Variants in EXTL3 observed in about 807,000 individuals in gnomAD.
EXTL3 encodes the protein exostosin like glycosyltransferase 3, also known as exostosin-like 3.
EXTL3 carries 27 observed loss-of-function variants against 69.3 expected under a neutral mutation model. The ratio of observed to expected loss-of-function variants is 0.39; its 90% CI spans 0.29 to 0.54. The LOEUF is 0.54. EXTL3 is among the 20% of genes least tolerant of loss of function. The probability of loss-of-function intolerance (pLI) is 0.69; values close to 1 mark genes in which losing one functional copy is unlikely to be tolerated. For synonymous variants in EXTL3, 511 were observed against 499.4 expected (o/e 1.02, Z -0.31); for missense variants, 1,003 against 1,231.8 (o/e 0.81, Z 2.78).
At chr8:28,636,389 A>T (rs912996315) in intron 1 of EXTL3, among the ~76,000 whole-genome samples, 1 of 151,852 alleles carries the variant, frequency 6.6e-6, no homozygotes, top group Non-Finnish European at 1.5e-5. Flanking sequence ...TCAAGTACAG[A>T]TATCTCACAT....
chr8:28,620,052 T>C (rs148058673), upstream of EXTL3, among the ~76,000 whole-genome samples: 356 of 150,738 alleles, frequency 2.4e-3, 2 homozygotes, highest in African/African-American at 8.3e-3. Context: ...TTTATATCTG[T>C]TTAGTAGAGA....
At chr8:28,738,089 C>T (rs1474484574) in intron 5 of EXTL3, among the ~76,000 whole-genome samples, 1 of 152,226 alleles carries the variant, frequency 6.6e-6, no homozygotes, top group Non-Finnish European at 1.5e-5. Flanking sequence ...CTGTGTGGCT[C>T]TGCCAGTTCT....
intron 1 of EXTL3, among the ~76,000 whole-genome samples, chr8:28,677,176 A>G (rs1807400797): frequency 6.6e-6 from 1 of 152,208 alleles, no homozygotes; most frequent in African/African-American, 2.4e-5. Flanking sequence ...TAGAGGAAAA[A>G]GAAAATGAAA....
chr8:28,610,338 T>C (rs1806255534), intron 2 of EXTL3, among the ~76,000 whole-genome samples: 1 of 152,126 alleles, frequency 6.6e-6, no homozygotes. Context: ...GGCAATTTCC[T>C]CATCTCTTTG....
chr8:28,721,007 A>C (rs953956275), intron 3 of EXTL3, among the ~76,000 whole-genome samples: 2 of 152,112 alleles, frequency 1.3e-5, no homozygotes, highest in African/African-American at 4.8e-5. Context: ...GTTTCTGAGG[A>C]TATATCAGTG....
intron 3 of EXTL3, among the ~76,000 whole-genome samples, chr8:28,726,885 T>TC (rs1801425364): frequency 7.8e-6 from 1 of 127,518 alleles, no homozygotes; most frequent in Non-Finnish European, 1.7e-5. Flanking sequence ...TTTTCTTTTT[T>TC]TTTTTTTTTT....
chr8:28,723,637 A>C (rs532526845), intron 3 of EXTL3, among the ~76,000 whole-genome samples: 1,519 of 133,938 alleles, frequency 0.011, 33 homozygotes, highest in African/African-American at 0.04. Flanking sequence ...AGGGCTCAGG[A>C]CTGTTTTTTT....
intron 2 of EXTL3, among the ~76,000 whole-genome samples, chr8:28,617,620 C>CA (rs1372369668): frequency 6.6e-6 from 1 of 152,054 alleles, no homozygotes. Flanking sequence ...CCTGTCTCTA[C>CA]AAAAAACACA....
rs183182702 is a variant in EXTL3, at chr8:28,743,205, C to A, written c.2541C>A (p.Pro847=). The A allele has an allele frequency of 6.2e-7, 1 of 1,614,080 alleles. No homozygotes were observed. Among genetic ancestry groups the A allele is most frequent in the Non-Finnish European group, 8.5e-7 (1 of 1,180,016 alleles). The part of the protein sequence containing the change: ...NFLVSHITRK[P]PIKVTSRWTF... The stretch of plus-strand genomic sequence containing the variant: ...TTGTCTCCCACATCACTCGGAAGCC[C>A]CCCATCAAGGTGAGGTCCCACCACT... The change falls in exon 6 of 7, where the codon CCC becomes CCA. Residue 847 remains proline, a synonymous_variant. Coordinates refer to ENST00000220562, the MANE Select transcript of EXTL3 (RefSeq NM_001440.4).
At chr8:28,646,880 A>G (rs73669844) in intron 1 of EXTL3, among the ~76,000 whole-genome samples, 2,178 of 152,300 alleles carry the variant, frequency 0.014, 65 homozygotes, top group African/African-American at 0.05. Context: ...TAAATTCTCA[A>G]CAAATTACAG....
At chr8:28,734,086 G>A (rs984066989) in intron 4 of EXTL3, among the ~76,000 whole-genome samples, 4 of 152,086 alleles carry the variant, frequency 2.6e-5, no homozygotes, top group Admixed American at 6.5e-5. Flanking sequence ...CCAAAGTGCT[G>A]GGATTACAGG....
chr8:28,731,850 A>AG (rs1801545181), intron 4 of EXTL3, among the ~76,000 whole-genome samples: 1 of 152,130 alleles, frequency 6.6e-6, no homozygotes, highest in Non-Finnish European at 1.5e-5. Context: ...TTTAAAAGGA[A>AG]AAAGAAGGGG....
intron 1 of EXTL3, among the ~76,000 whole-genome samples, chr8:28,683,965 ACT>A (rs1415270186): frequency 1.3e-5 from 2 of 150,544 alleles, no homozygotes; most frequent in Non-Finnish European, 3.0e-5. Flanking sequence ...TTGTTGTTCT[ACT>A]CTCTACTCCA....
chr8:28,657,377 C>T (rs1479056933), intron 1 of EXTL3, among the ~76,000 whole-genome samples: 1 of 152,248 alleles, frequency 6.6e-6, no homozygotes, highest in Non-Finnish European at 1.5e-5. Context: ...GTCATCTCTG[C>T]ATCCACTGCC....
chr8:28,623,705 C>T lies in EXTL3; in HGVS notation c.-53+895C>T, dbSNP rs569811189. On this transcript the variant is annotated intron_variant, in intron 1 of 6. Coordinates refer to the EXTL3 transcript ENST00000523149. This position sits in a 1 kb window ranked among gnomAD's most constrained non-coding sequence, Gnocchi z 4.2. ...AAGATATGTTTTTATTTAAAACCTT[C>T]CCCCTATATTTTCATTCCCATAAAT... Among the ~76,000 whole-genome samples, 1 of 152,284 alleles carries T rather than the reference C, an allele frequency of 6.6e-6. No individual in the cohort carries two copies. Among genetic ancestry groups the T allele is most frequent in the African/African-American group, 2.4e-5 (1 of 41,540 alleles).
At chr8:28,744,760 T>A (rs576694109) in intron 6 of EXTL3, among the ~76,000 whole-genome samples, 7 of 149,530 alleles carry the variant, frequency 4.7e-5, no homozygotes, top group Non-Finnish European at 1.0e-4. Context: ...GCCACTGCAC[T>A]CCAGCCTGGG....
At chr8:28,618,837 C>A (rs1806362501), upstream of EXTL3, among the ~76,000 whole-genome samples, 1 of 151,888 alleles carries the variant, frequency 6.6e-6, no homozygotes, top group South Asian at 2.1e-4. Flanking sequence ...CTAATCCCAG[C>A]ACTTTGGGAG....
intron 1 of EXTL3, among the ~76,000 whole-genome samples, chr8:28,704,790 C>A (rs530829957): frequency 6.6e-6 from 1 of 152,282 alleles, no homozygotes; most frequent in South Asian, 2.1e-4. Context: ...CCTGCCTCAA[C>A]CTCCCAAGTA....
intron 3 of EXTL3, among the ~76,000 whole-genome samples, chr8:28,727,716 G>A (rs774924487): frequency 5.3e-5 from 8 of 152,152 alleles, no homozygotes; most frequent in Non-Finnish European, 1.2e-4. Flanking sequence ...AAGCTTTTCT[G>A]ATTGGCCCCA....
Sources: allele counts gnomAD v4.1 joint callset (sites outside exome capture counted in the v4.1 genomes callset), GRCh38; gene constraint gnomAD v4.1.1; non-coding constraint Gnocchi (gnomAD v3.1); transcripts MANE v1.5; gene names NCBI Gene and HGNC (gene_info 2026-07-23, HGNC 2026-07-21).